The following HS3ST4 variants were observed in gnomAD, a reference collection of about 807,000 sequenced individuals.
HS3ST4 encodes the protein heparan sulfate-glucosamine 3-sulfotransferase 4, also known as heparan sulfate glucosamine 3-O-sulfotransferase 4.
Under a neutral mutation model 29.2 loss-of-function variants are expected in HS3ST4, and 17 were observed. The ratio of observed to expected loss-of-function variants is 0.58; its 90% confidence interval spans 0.40 to 0.87. The LOEUF is 0.87. Among genes scored for constraint, HS3ST4 ranks in the 40% least tolerant of loss-of-function variants. The probability of loss-of-function intolerance (pLI) is 0.00; values close to 1 mark genes in which losing one functional copy is unlikely to be tolerated. For synonymous variants in HS3ST4, 314 were observed against 285.7 expected, an observed-to-expected ratio of 1.10 and a Z score of -1.00; for missense variants, 627 against 634.5, an observed-to-expected ratio of 0.99 and a Z score of 0.13.
intron 1 of HS3ST4, among the ~76,000 whole-genome samples, chr16:26,067,623 G>A (rs913530493): frequency 1.1e-4 from 16 of 152,072 alleles, no homozygotes; most frequent in African/African-American, 3.1e-4. Context: ...ATTGCTGATG[G>A]CACTAACTAA....
intron 1 of HS3ST4, among the ~76,000 whole-genome samples, chr16:25,821,856 T>C (rs1480668367): frequency 6.6e-6 from 1 of 152,098 alleles, no homozygotes; most frequent in Non-Finnish European, 1.5e-5. Flanking sequence ...TGCAGTGACC[T>C]GAGGATCGTG....
intron 1 of HS3ST4, among the ~76,000 whole-genome samples, chr16:25,864,230 C>T (rs1300458688): frequency 1.3e-5 from 2 of 152,216 alleles, no homozygotes; most frequent in Non-Finnish European, 1.5e-5. Context: ...AACATGATGT[C>T]TTGATATGCG....
chr16:25,979,093 C>T (rs1014306903), intron 1 of HS3ST4, among the ~76,000 whole-genome samples: 2 of 152,052 alleles, frequency 1.3e-5, no homozygotes, highest in Non-Finnish European at 2.9e-5. Flanking sequence ...GATGGGGTTT[C>T]TCCATTTTGG....
chr16:25,819,584 C>T (rs1967126803), intron 1 of HS3ST4, among the ~76,000 whole-genome samples: 1 of 152,176 alleles, frequency 6.6e-6, no homozygotes. Flanking sequence ...AGTGATCACT[C>T]ACAGAACTGT....
chr16:25,831,390 C>A (rs982731765), intron 1 of HS3ST4, among the ~76,000 whole-genome samples: 1 of 124,512 alleles, frequency 8.0e-6, no homozygotes, highest in Non-Finnish European at 1.7e-5. Flanking sequence ...AATGAGACCC[C>A]GTCTCTACAC....
Position 26,011,749 on chromosome 16 carries a change from A to G in HS3ST4, c.735-123863A>G, listed in dbSNP as rs1005279376. Among the ~76,000 whole-genome samples, 11 of 147,236 alleles carry G rather than the reference A, an allele frequency of 7.5e-5. 1 individual carries two copies. Among genetic ancestry groups the G allele is most frequent in the Admixed American group, 4.1e-4 (6 of 14,752 alleles). ...TGTGTGTGTGTGTGTGCATGTGTGTAGGAAATGGGGTTAGAATGAAGACAC... is the reference window on the plus strand; with the variant it reads ...TGTGTGTGTGTGTGTGCATGTGTGTGGGAAATGGGGTTAGAATGAAGACAC... On this transcript the variant is annotated intron_variant, in intron 1 of 1. Coordinates refer to ENST00000331351, the MANE Select transcript of HS3ST4 (RefSeq NM_006040.3).
chr16:26,062,736 A>G (rs749130562), intron 1 of HS3ST4: 8 of 192,132 alleles, frequency 4.2e-5, no homozygotes, highest in East Asian at 1.2e-4. Context: ...TGCTATTTCA[A>G]TAGTGATCTA....
intron 1 of HS3ST4, among the ~76,000 whole-genome samples, chr16:25,786,175 T>A (rs1486553588): frequency 6.6e-6 from 1 of 151,802 alleles, no homozygotes; most frequent in Non-Finnish European, 1.5e-5. Context: ...TGGGGGGAAA[T>A]GAGGAAATGG....
At chr16:25,832,589 G>A (rs565462433) in intron 1 of HS3ST4, among the ~76,000 whole-genome samples, 37 of 152,228 alleles carry the variant, frequency 2.4e-4, no homozygotes, top group Non-Finnish European at 1.2e-4. Flanking sequence ...TTATGAAATC[G>A]TTGTGTTTAT....
intron 1 of HS3ST4, among the ~76,000 whole-genome samples, chr16:25,782,500 C>T (rs1966853542): frequency 6.6e-6 from 1 of 152,128 alleles, no homozygotes; most frequent in Non-Finnish European, 1.5e-5. Flanking sequence ...GGATTTTAGC[C>T]GTATGGTTCA....
chr16:26,050,355 T>C (rs1596663297), intron 1 of HS3ST4, among the ~76,000 whole-genome samples: 1 of 152,206 alleles, frequency 6.6e-6, no homozygotes. Context: ...GTCACAGTCC[T>C]CATACCCTGA....
chr16:25,973,568 G>A (rs1300660511), intron 1 of HS3ST4, among the ~76,000 whole-genome samples: 2 of 152,236 alleles, frequency 1.3e-5, no homozygotes, highest in South Asian at 2.1e-4. Context: ...ACAAGAACTC[G>A]GAGCTAATGT....
chr16:25,788,518 C>T (rs111235381), intron 1 of HS3ST4, among the ~76,000 whole-genome samples: 1 of 147,680 alleles, frequency 6.8e-6, no homozygotes, highest in African/African-American at 2.5e-5. Context: ...CTCTATCTTC[C>T]TACATTTTTT....
chr16:25,963,971 G>A (rs148571360), intron 1 of HS3ST4, among the ~76,000 whole-genome samples: 2,060 of 152,302 alleles, frequency 0.014, 21 homozygotes, highest in Non-Finnish European at 0.021. Flanking sequence ...AGGAGTTCGA[G>A]ACCAGCCTGG....
chr16:25,768,682 G>A (rs58764795), intron 1 of HS3ST4, among the ~76,000 whole-genome samples: 15,024 of 152,146 alleles, frequency 0.099, 907 homozygotes, highest in South Asian at 0.14. Context: ...GTTGCTCTGG[G>A]AGAGTCACTG....
chr16:26,027,965 G>A (rs530867243), intron 1 of HS3ST4, among the ~76,000 whole-genome samples: 5 of 152,170 alleles, frequency 3.3e-5, no homozygotes, highest in Admixed American at 6.5e-5. Flanking sequence ...TTTTAATTCA[G>A]AATAAAGATT....
chr16:26,078,240 A>G (rs142521806), intron 1 of HS3ST4, among the ~76,000 whole-genome samples: 10 of 152,196 alleles, frequency 6.6e-5, no homozygotes, highest in African/African-American at 1.7e-4. Context: ...TCCCAGGTTC[A>G]TGCCTATTCT....
intron 1 of HS3ST4, among the ~76,000 whole-genome samples, chr16:25,828,301 C>CTTTCTCTCTCT (rs1555467593): frequency 9.1e-5 from 3 of 32,880 alleles, no homozygotes; most frequent in African/African-American, 2.5e-4. Context: ...TCTTTCTTTC[C>CTTTCTCTCTCT]CTCTCTCTCT....
At chr16:25,824,860 G>A (rs1967200285) in intron 1 of HS3ST4, 1 of 152,164 alleles carries the variant, frequency 6.6e-6, no homozygotes, top group Non-Finnish European at 1.5e-5. Context: ...TGTGTTTGAT[G>A]ATTCACATGT....
Sources: allele counts gnomAD v4.1 joint callset (sites outside exome capture counted in the v4.1 genomes callset), GRCh38; gene constraint gnomAD v4.1.1; transcripts MANE v1.5; gene names NCBI Gene and HGNC (gene_info 2026-07-23, HGNC 2026-07-21).